ANKRD44: variants seen among roughly 807,000 people sequenced by gnomAD.
ANKRD44 encodes ankyrin repeat domain 44, also known as serine/threonine-protein phosphatase 6 regulatory ankyrin repeat subunit B.
Under a neutral mutation model 116.0 loss-of-function variants are expected in ANKRD44, and 35 were observed. The ratio of observed to expected loss-of-function variants is 0.30; its 90% CI spans 0.23 to 0.40. The LOEUF is 0.40. ANKRD44 is among the 10% of genes least tolerant of loss of function. The pLI is 1.00. For synonymous variants in ANKRD44, 435 were observed against 461.8 expected (o/e 0.94, Z 0.74); for missense variants, 1,014 against 1,242.6 (o/e 0.82, Z 2.77).
intron 15 of ANKRD44, 113 bp downstream of exon 15, chr2:197,081,532 C>T (rs2077795314): frequency 1.1e-6 from 1 of 873,112 alleles, no homozygotes; most frequent in Non-Finnish European, 1.9e-6. Context: ...CATATCACTT[C>T]CTCAAGATCC....
At chr2:197,209,435 C>G (rs1467528212) in intron 1 of ANKRD44, among the ~76,000 whole-genome samples, 1 of 152,172 alleles carries the variant, frequency 6.6e-6, no homozygotes, top group African/African-American at 2.4e-5. Flanking sequence ...GGAGAAAGGC[C>G]TGACAAATAT....
At chr2:197,252,674 A>T (rs575513696) in intron 1 of ANKRD44, among the ~76,000 whole-genome samples, 1 of 152,278 alleles carries the variant, frequency 6.6e-6, no homozygotes, top group African/African-American at 2.4e-5. Flanking sequence ...GTCTCACGCC[A>T]GGCATAAGCC....
chr2:197,015,911 G>T (rs975712330), intron 17 of ANKRD44: 1 of 527,180 alleles, frequency 1.9e-6, no homozygotes, highest in East Asian at 4.7e-5. Flanking sequence ...TCAAATTTTG[G>T]ATCCATGAAA....
At chr2:197,017,745 A>G (rs1164311713) in intron 17 of ANKRD44, among the ~76,000 whole-genome samples, 1 of 152,216 alleles carries the variant, frequency 6.6e-6, no homozygotes, top group African/African-American at 2.4e-5. Flanking sequence ...TTACCATCTC[A>G]GTAAATGGCA....
intron 17 of ANKRD44, among the ~76,000 whole-genome samples, chr2:197,020,353 C>T (rs1372811166): frequency 6.6e-6 from 1 of 152,170 alleles, no homozygotes; most frequent in Non-Finnish European, 1.5e-5. Context: ...CTATACCAGG[C>T]ACTTGAAAAC....
chr2:197,007,481 AT>A (rs1183577894), intron 20 of ANKRD44, among the ~76,000 whole-genome samples: 1 of 152,208 alleles, frequency 6.6e-6, no homozygotes, highest in Non-Finnish European at 1.5e-5. Flanking sequence ...TTAAAAAAAA[AT>A]ATTCTGCAAA....
At chr2:197,030,819 T>C (rs959183389) in intron 16 of ANKRD44, among the ~76,000 whole-genome samples, 6 of 152,138 alleles carry the variant, frequency 3.9e-5, no homozygotes, top group Non-Finnish European at 8.8e-5. Flanking sequence ...CTTTTGTTGT[T>C]GGTGGTGGTG....
chr2:196,993,741 GC>G, intron 26 of ANKRD44, 67 bp from the exon 27 acceptor site: 1 of 1,318,628 alleles, frequency 7.6e-7, no homozygotes, highest in Non-Finnish European at 1.1e-6. Flanking sequence ...ATTTTTGTTA[GC>G]CCATGTCACT....
At chr2:197,305,967 T>TATATATATATATA (rs2084057380) in intron 1 of ANKRD44, among the ~76,000 whole-genome samples, 7 of 124,738 alleles carry the variant, frequency 5.6e-5, no homozygotes, top group African/African-American at 2.5e-4. Context: ...GCAGTTCGTT[T>TATATATATATATA]TATATATATA....
intron 1 of ANKRD44, among the ~76,000 whole-genome samples, chr2:197,277,054 A>G (rs1352578809): frequency 6.6e-6 from 1 of 151,812 alleles, no homozygotes; most frequent in South Asian, 2.1e-4. Context: ...CAGCCTCCCA[A>G]GTAGCTGGGA....
intron 1 of ANKRD44, among the ~76,000 whole-genome samples, chr2:197,273,136 G>C (rs1276281429): frequency 1.3e-5 from 2 of 152,114 alleles, no homozygotes; most frequent in Non-Finnish European, 2.9e-5. Flanking sequence ...CGAGGCCCAA[G>C]GTTCCTAATT....
intron 1 of ANKRD44, among the ~76,000 whole-genome samples, chr2:197,276,275 CAA>C (rs11351342): frequency 0.047 from 5,065 of 108,034 alleles, 153 homozygotes; most frequent in Admixed American, 0.13. Context: ...AACTTGGTCT[CAA>C]AAAAAAAAAA....
chr2:197,286,497 C>T (rs1484526163), intron 1 of ANKRD44, among the ~76,000 whole-genome samples: 1 of 151,834 alleles, frequency 6.6e-6, no homozygotes, highest in Admixed American at 6.6e-5. Flanking sequence ...GTCTCAGCCT[C>T]CCCAGTAGCT....
chr2:196,988,204 A>G lies in ANKRD44; in HGVS notation c.*1387T>C. 1.0e-6 allele frequency: 1 copy of G among 985,448 alleles called. No homozygotes were observed. Among genetic ancestry groups the G allele is most frequent in the East Asian group, 1.1e-4 (1 of 8,818 alleles). 61.0% of individuals were successfully genotyped at this position (985,448 alleles called of 1,614,324 possible). A position where few individuals can be genotyped will look rare whatever the true frequency, so the allele number is the denominator to read the frequency against. On this transcript the variant is annotated 3_prime_UTR_variant, in exon 28 of 28. Coordinates refer to ENST00000282272, the MANE Select transcript of ANKRD44 (RefSeq NM_001195144.2). ...ACGCTGCTTTGCCATTAAAGCAAGCATTTCATTTCCTGCTTGAAATGCCAA... is the reference window on the plus strand; with the variant it reads ...ACGCTGCTTTGCCATTAAAGCAAGCGTTTCATTTCCTGCTTGAAATGCCAA...
At chr2:197,118,285 A>G (rs2078760287) in intron 8 of ANKRD44, among the ~76,000 whole-genome samples, 1 of 149,956 alleles carries the variant, frequency 6.7e-6, no homozygotes, top group South Asian at 2.1e-4. Context: ...ACTAAAGCAA[A>G]TACACAAAAA....
rs1347254927 is a variant in ANKRD44, at chr2:197,067,671, A to G, written c.1650+11032T>C. ...CAAAACCACTATGAGATATCATCTC[A>G]CACCAGTTAGAATGGCAATCATTAA... On this transcript the variant is annotated intron_variant, in intron 16 of 27. Transcript: ENST00000282272. Among the ~76,000 whole-genome samples the G allele has an allele frequency of 3.3e-5, 4 of 122,198 alleles. No individual in the cohort carries two copies. The Admixed American group carries it at 3.5e-4, about 11-fold the overall frequency. The allele number at this position is 122,198 out of a possible 152,430, so 80.2% of individuals were successfully genotyped here.
intron 26 of ANKRD44, among the ~76,000 whole-genome samples, chr2:196,993,977 G>T (rs955401372): frequency 6.6e-6 from 1 of 152,168 alleles, no homozygotes; most frequent in Non-Finnish European, 1.5e-5. Context: ...TTTTGCAGAA[G>T]GCCCTTTACT....
At chr2:197,010,941 A>G (rs1182413277) in intron 18 of ANKRD44, among the ~76,000 whole-genome samples, 2 of 152,252 alleles carry the variant, frequency 1.3e-5, no homozygotes, top group African/African-American at 2.4e-5. Flanking sequence ...ATTAGCTTGC[A>G]TTCATCAACA....
intron 18 of ANKRD44, among the ~76,000 whole-genome samples, chr2:197,010,492 G>T (rs540044826): frequency 2.0e-5 from 3 of 152,224 alleles, no homozygotes; most frequent in African/African-American, 7.2e-5. Flanking sequence ...GGCCTGGACC[G>T]GCTGGGGCGG....
Sources: allele counts gnomAD v4.1 joint callset (sites outside exome capture counted in the v4.1 genomes callset), GRCh38; gene constraint gnomAD v4.1.1; transcripts MANE v1.5; gene names NCBI Gene and HGNC (gene_info 2026-07-23, HGNC 2026-07-21).